The following EPHB3 variants were observed in gnomAD, a reference collection of about 807,000 sequenced individuals.
EPHB3 encodes the protein EPH receptor B3, also known as ephrin type-B receptor 3.
A neutral mutation model predicts 100.2 loss-of-function variants in EPHB3; 33 were observed. The observed-to-expected ratio is 0.33, with a 90% CI of 0.25 to 0.44. The LOEUF (loss-of-function observed/expected upper bound fraction) is 0.44. Among genes scored for constraint, EPHB3 ranks in the 20% least tolerant of loss-of-function variants. The pLI is 1.00. For synonymous variants in EPHB3, 526 were observed against 554.7 expected (o/e 0.95, Z 0.73); for missense variants, 1,045 against 1,378.3 (o/e 0.76, Z 3.83).
At position 184,573,204 on chromosome 3, in the gene EPHB3, G is replaced by A. The variant is rs896936648; in HGVS notation, c.856+28G>A. 3.5e-5 allele frequency: 56 copies of A among 1,606,192 alleles called. No homozygotes were observed. The highest frequency in any genetic ancestry group is 4.3e-5 in the Non-Finnish European group (51 of 1,179,792). On this transcript the variant is annotated intron_variant, in intron 3 of 15. Coordinates refer to ENST00000330394, the MANE Select transcript of EPHB3 (RefSeq NM_004443.4). This position sits in a 1 kb window ranked among gnomAD's most constrained non-coding sequence, Gnocchi z 4.5. ...GAGTGGGGACTGTCCTGGGGAAAGGGTTGTCGGGAGGGCCTGGGCCACAGC... is the reference window on the plus strand; with the variant it reads ...GAGTGGGGACTGTCCTGGGGAAAGGATTGTCGGGAGGGCCTGGGCCACAGC...
chr3:184,571,815 G>A lies in EPHB3; in HGVS notation c.183+433G>A, dbSNP rs1338302079. On this transcript the variant is annotated intron_variant, in intron 2 of 15. Transcript: ENST00000330394. This position sits in a 1 kb window ranked among gnomAD's most constrained non-coding sequence, Gnocchi z 5.0. ...CTTGACTGTTAAATTCCCGCAGTCCGGACCTCTCTCACATATTCTAATTAA... is the reference window on the plus strand; with the variant it reads ...CTTGACTGTTAAATTCCCGCAGTCCAGACCTCTCTCACATATTCTAATTAA... Among the ~76,000 whole-genome samples the A allele has an allele frequency of 1.3e-5, 2 of 152,038 alleles. No individual in the cohort carries two copies. The highest frequency in any genetic ancestry group is 6.6e-5 in the Admixed American group (1 of 15,258).
Position 184,573,369 on chromosome 3 carries a change from G to A in EPHB3, c.856+193G>A, listed in dbSNP as rs57521356. Among the ~76,000 whole-genome samples the A allele has an allele frequency of 2.8e-3, 420 of 152,274 alleles. No individual in the cohort carries two copies. Among genetic ancestry groups the A allele is most frequent in the African/African-American group, 9.7e-3 (401 of 41,536 alleles). On this transcript the variant is annotated intron_variant, in intron 3 of 15. Coordinates refer to ENST00000330394, the MANE Select transcript of EPHB3 (RefSeq NM_004443.4). The surrounding 1 kb of genome is among the most constrained non-coding windows in gnomAD (Gnocchi z 4.5). ...TAAGGAGGGAGAAGAGAGAGAAAATGAGGAGAGACACAAGGATAGTAAGAG... is the reference window on the plus strand; with the variant it reads ...TAAGGAGGGAGAAGAGAGAGAAAATAAGGAGAGACACAAGGATAGTAAGAG...
chr3:184,564,601 G>A (rs576731179), intron 1 of EPHB3, among the ~76,000 whole-genome samples: 250 of 152,292 alleles, frequency 1.6e-3, no homozygotes, highest in African/African-American at 5.7e-3. Flanking sequence ...GGAGTGAAAC[G>A]AGTGTGTGCC....
In EPHB3 at chr3:184,582,201, T is replaced by A. The variant is rs1577533957; in HGVS notation, c.*579T>A. ...GGGCAGGCAGGGGCAGGCTGAGGAG[T>A]TGCCCTTTGCCCCCCAGAGACTGAC... On this transcript the variant is annotated 3_prime_UTR_variant, in exon 16 of 16. Coordinates refer to ENST00000330394, the MANE Select transcript of EPHB3 (RefSeq NM_004443.4). 6.5e-6 allele frequency: 1 copy of A among 152,918 alleles called. No individual in the cohort carries two copies. The highest frequency in any genetic ancestry group is 2.6e-5 in the African/African-American group (1 of 38,628). The allele number at this position is 152,918 out of a possible 1,614,324, so 9.5% of individuals were successfully genotyped here.
intron 1 of EPHB3, among the ~76,000 whole-genome samples, chr3:184,564,687 G>A (rs1458425546): frequency 6.6e-6 from 1 of 152,158 alleles, no homozygotes; most frequent in Non-Finnish European, 1.5e-5. Context: ...GGGTGGGGCT[G>A]TCTGCCCCAC....
In EPHB3 at chr3:184,563,247, T is replaced by C. The variant is rs905770370; in HGVS notation, c.118+894T>C. ...AGGCCCCAACACCAGCCACAAACAA[T>C]AGGGAGGCCCACACACACTCACGCC... On this transcript the variant is annotated intron_variant, in intron 1 of 15. Coordinates refer to ENST00000330394, the MANE Select transcript of EPHB3 (RefSeq NM_004443.4). The surrounding 1 kb of genome is among the most constrained non-coding windows in gnomAD (Gnocchi z 4.1). Among the ~76,000 whole-genome samples, 10 of 152,028 alleles carry C rather than the reference T, an allele frequency of 6.6e-5. No homozygotes were observed. Among genetic ancestry groups the C allele is most frequent in the African/African-American group, 2.4e-4 (10 of 41,468 alleles).
chr3:184,576,067 G>A, intron 4 of EPHB3, 82 bp downstream of exon 4: 1 of 1,471,102 alleles, frequency 6.8e-7, no homozygotes, highest in Non-Finnish European at 9.1e-7. Context: ...CAGTCACTAT[G>A]AATAGCCCCA....
chr3:184,570,519 T>C (rs1280665828), intron 1 of EPHB3, among the ~76,000 whole-genome samples: 1 of 152,228 alleles, frequency 6.6e-6, no homozygotes, highest in African/African-American at 2.4e-5. Flanking sequence ...TGGTCCCCTC[T>C]CCACCCTCAA....
chr3:184,564,152 G>A (rs906421088), intron 1 of EPHB3, among the ~76,000 whole-genome samples: 1 of 152,224 alleles, frequency 6.6e-6, no homozygotes, highest in African/African-American at 2.4e-5. Context: ...GGGCGGCCCG[G>A]GAAGAGGGGG....
At position 184,571,809 on chromosome 3, in the gene EPHB3, C is replaced by T. The variant is rs777548353; in HGVS notation, c.183+427C>T. On this transcript the variant is annotated intron_variant, in intron 2 of 15. Transcript: ENST00000330394. This position sits in a 1 kb window ranked among gnomAD's most constrained non-coding sequence, Gnocchi z 5.0. Reference sequence around the variant, plus strand: ...CCACTTCTTGACTGTTAAATTCCCGCAGTCCGGACCTCTCTCACATATTCT... The same window carrying T: ...CCACTTCTTGACTGTTAAATTCCCGTAGTCCGGACCTCTCTCACATATTCT... Among the ~76,000 whole-genome samples the T allele has an allele frequency of 1.1e-4, 17 of 152,180 alleles. No individual in the cohort carries two copies. The highest frequency in any genetic ancestry group is 1.6e-4 in the Non-Finnish European group (11 of 68,030).
chr3:184,579,603 A>G lies in EPHB3; in HGVS notation c.1924+4A>G. 6.2e-7 allele frequency: 1 copy of G among 1,613,742 alleles called. No homozygotes were observed. The highest frequency in any genetic ancestry group is 8.5e-7 in the Non-Finnish European group (1 of 1,179,832). On this transcript the variant is annotated splice_donor_region_variant and intron_variant, in intron 10 of 15. Transcript: ENST00000330394. The surrounding 1 kb of genome is among the most constrained non-coding windows in gnomAD (Gnocchi z 5.2). ...ATCGAGGAGGTGATCGGAGCTGGTG[A>G]GTCTCCCGGGGCACAGTAGAGATGA...
chr3:184,577,911 G>C lies in EPHB3; in HGVS notation c.1653G>C (p.Gln551His). 1 of 1,613,824 alleles carries C rather than the reference G, an allele frequency of 6.2e-7. No homozygotes were observed. The highest frequency in any genetic ancestry group is 1.1e-5 in the South Asian group (1 of 91,060). Residue 551 changes from glutamine to histidine, a missense_variant, in exon 8 of 16, where the codon CAG (glutamine) becomes CAC (histidine). Physicochemically the swap from Gln to His is conservative, Grantham distance 24 (BLOSUM62 0). Transcript: ENST00000330394. The surrounding 1 kb of genome is among the most constrained non-coding windows in gnomAD (Gnocchi z 4.9). The stretch of plus-strand genomic sequence containing the variant: ...CTCTATCTCCAGGCTCTGGGGCCCA[G>C]CAGCTCCAGGAGCAGCTTCCCCTCA... ...ETTSERGSGA[Q>H]QLQEQLPLIV...
chr3:184,578,675 C>G lies in EPHB3; in HGVS notation c.1801+209C>G, dbSNP rs970179241. Among the ~76,000 whole-genome samples, 1 of 152,138 alleles carries G rather than the reference C, an allele frequency of 6.6e-6. No individual in the cohort carries two copies. Among genetic ancestry groups the G allele is most frequent in the African/African-American group, 2.4e-5 (1 of 41,410 alleles). On this transcript the variant is annotated intron_variant, in intron 9 of 15. Transcript: ENST00000330394. The surrounding 1 kb of genome is among the most constrained non-coding windows in gnomAD (Gnocchi z 4.7). ...CTGCTAGCCCCAGAAATGACTGAGA[C>G]GTGACCTCTCCCCCTAAAGGCAGTT...
chr3:184,562,123 G>T lies in EPHB3; in HGVS notation c.-113G>T, dbSNP rs1714266137. On this transcript the variant is annotated 5_prime_UTR_variant, in exon 1 of 16. Transcript: ENST00000330394. The surrounding 1 kb of genome is among the most constrained non-coding windows in gnomAD (Gnocchi z 4.8). Reference sequence around the variant, plus strand: ...TCCTCTCCTGGATCTCCTGGGACCCGACGCGAGCCTGCCCCGGAGCCCGCC... The same window carrying T: ...TCCTCTCCTGGATCTCCTGGGACCCTACGCGAGCCTGCCCCGGAGCCCGCC... The T allele has an allele frequency of 1.1e-5, 2 of 175,720 alleles. No homozygotes were observed. Among genetic ancestry groups the T allele is most frequent in the South Asian group, 3.5e-4 (2 of 5,768 alleles). 10.9% of individuals were successfully genotyped at this position (175,720 alleles called of 1,614,324 possible).
chr3:184,568,870 A>G (rs1268485978), intron 1 of EPHB3, among the ~76,000 whole-genome samples: 1 of 152,206 alleles, frequency 6.6e-6, no homozygotes, highest in Non-Finnish European at 1.5e-5. Flanking sequence ...AGCGATGGCC[A>G]AGGGCCGATC....
In EPHB3 at chr3:184,571,625, C is replaced by T. The variant is rs148647714; in HGVS notation, c.183+243C>T. On this transcript the variant is annotated intron_variant, in intron 2 of 15. Coordinates refer to ENST00000330394, the MANE Select transcript of EPHB3 (RefSeq NM_004443.4). This position sits in a 1 kb window ranked among gnomAD's most constrained non-coding sequence, Gnocchi z 5.0. ...CTGCCTGCCTGTGCCCCCCAGCTCC[C>T]GCTCCCTCTCCCTCTCTTCCTAACA... 2.0e-3 allele frequency among the ~76,000 whole-genome samples: 308 copies of T among 152,168 alleles called. 2 individuals carry two copies. The highest frequency in any genetic ancestry group is 7.1e-3 in the African/African-American group (294 of 41,496).
rs746687191 is a variant in EPHB3 at position 184,575,929 on chromosome 3, C to T, written c.956C>T (p.Thr319Ile). 6.2e-7 allele frequency: 1 copy of T among 1,613,974 alleles called. No individual in the cohort carries two copies. Reference sequence around the variant, plus strand: ...ACCTCCCCAGCCGCCAGCATCTGCACCTGCCACAATAACTTCTACCGTGCA... The same window carrying T: ...ACCTCCCCAGCCGCCAGCATCTGCATCTGCCACAATAACTTCTACCGTGCA... ...RTTSPAASIC[T>I]CHNNFYRADS... is the part of the protein sequence containing the mutation. Residue 319 changes from threonine (T) to isoleucine (I), a missense_variant, in exon 4 of 16, where the codon ACC becomes ATC. Thr to Ile is a moderately conservative substitution (Grantham distance 89). Coordinates refer to ENST00000330394, the MANE Select transcript of EPHB3 (RefSeq NM_004443.4).
chr3:184,578,084 A>G lies in EPHB3; in HGVS notation c.1748+78A>G. 2.7e-6 allele frequency: 4 copies of G among 1,476,882 alleles called. No homozygotes were observed. The highest frequency in any genetic ancestry group is 3.7e-6 in the Non-Finnish European group (4 of 1,085,780). 91.5% of individuals were successfully genotyped at this position (1,476,882 alleles called of 1,614,324 possible). ...ATCCTAGAGCCCTCATGCCACAGAG[A>G]TGAGCCGCCACCACTTCCCTCAGAC... is the stretch of plus-strand genomic sequence containing the variant. On this transcript the variant is annotated intron_variant, in intron 8 of 15. Transcript: ENST00000330394. This position sits in a 1 kb window ranked among gnomAD's most constrained non-coding sequence, Gnocchi z 4.7.
rs1272051424 is a variant in EPHB3, at chr3:184,577,690, G to A, written c.1512G>A (p.Gln504=). 6 of 1,609,242 alleles carry A rather than the reference G, an allele frequency of 3.7e-6. No homozygotes were observed. The South Asian group carries it at 5.5e-5, about 15-fold the overall frequency. Residue 504 remains glutamine, a synonymous_variant, in exon 7 of 16, where the codon CAG becomes CAA. Transcript: ENST00000330394. The surrounding 1 kb of genome is among the most constrained non-coding windows in gnomAD (Gnocchi z 4.9). ...SEGIASTVTS[Q]MNSVQLDGLR... is the part of the protein sequence containing the mutation. ...GCATCGCCTCCACAGTGACCAGCCAGATGAACTCCGTGCAGCTGGACGGGC... is the reference window on the plus strand; with the variant it reads ...GCATCGCCTCCACAGTGACCAGCCAAATGAACTCCGTGCAGCTGGACGGGC...
Sources: allele counts gnomAD v4.1 joint callset (sites outside exome capture counted in the v4.1 genomes callset), GRCh38; gene constraint gnomAD v4.1.1; non-coding constraint Gnocchi (gnomAD v3.1); transcripts MANE v1.5; gene names NCBI Gene and HGNC (gene_info 2026-07-23, HGNC 2026-07-21).